Variants in CDH18 observed in about 807,000 individuals in gnomAD.
The protein encoded by CDH18 is cadherin 18.
In CDH18, 31 loss-of-function variants were observed where a neutral mutation model predicts 67.9. The ratio of observed to expected loss-of-function variants is 0.46; its 90% CI spans 0.34 to 0.62. The LOEUF (loss-of-function observed/expected upper bound fraction) is 0.62. Ranked by LOEUF, CDH18 falls within the 20% of genes least tolerant of loss-of-function variation. The probability of loss-of-function intolerance (pLI) is 0.01; values close to 1 mark genes in which losing one functional copy is unlikely to be tolerated. For synonymous variants in CDH18, 362 were observed against 347.2 expected, an observed-to-expected ratio of 1.04 and a Z score of -0.48; for missense variants, 890 against 975.5, an observed-to-expected ratio of 0.91 and a Z score of 1.17.
At chr5:20,158,456 G>C (rs1169511965) in intron 2 of CDH18, among the ~76,000 whole-genome samples, 3 of 151,930 alleles carry the variant, frequency 2.0e-5, no homozygotes, top group Non-Finnish European at 2.9e-5. Context: ...TTTCAGATTA[G>C]CCAATTAAGG....
chr5:20,354,477 C>A (rs1203513764), intron 1 of CDH18, among the ~76,000 whole-genome samples: 1 of 152,146 alleles, frequency 6.6e-6, no homozygotes, highest in East Asian at 1.9e-4. Context: ...TACAGTGGAG[C>A]AGTCTTCACT....
chr5:19,841,784 G>A (rs1016293965), intron 2 of CDH18, among the ~76,000 whole-genome samples: 1 of 152,122 alleles, frequency 6.6e-6, no homozygotes, highest in African/African-American at 2.4e-5. Context: ...TTACAGATAT[G>A]TAAAATGAGT....
At chr5:19,973,399 T>C (rs768011567) in intron 2 of CDH18, among the ~76,000 whole-genome samples, 34 of 152,140 alleles carry the variant, frequency 2.2e-4, no homozygotes, top group Non-Finnish European at 2.9e-5. Context: ...TGTCCTATTA[T>C]CTATGTACGA....
chr5:20,117,314 A>T (rs1280490452), intron 2 of CDH18, among the ~76,000 whole-genome samples: 3 of 152,162 alleles, frequency 2.0e-5, no homozygotes, highest in African/African-American at 7.2e-5. Context: ...TTTTGTATTG[A>T]TAAACAAAGT....
intron 6 of CDH18, among the ~76,000 whole-genome samples, chr5:19,608,530 A>G (rs529650338): frequency 1.3e-5 from 2 of 151,872 alleles, no homozygotes; most frequent in South Asian, 4.1e-4. Context: ...ATCAATGCCA[A>G]TATCTTCAGC....
intron 11 of CDH18, among the ~76,000 whole-genome samples, chr5:19,489,781 C>T (rs1437714014): frequency 6.6e-6 from 1 of 152,140 alleles, no homozygotes; most frequent in African/African-American, 2.4e-5. Context: ...CACAAATACA[C>T]ATGAAACAAC....
intron 5 of CDH18, among the ~76,000 whole-genome samples, chr5:19,688,430 C>T (rs1761414602): frequency 6.6e-6 from 1 of 152,138 alleles, no homozygotes; most frequent in African/African-American, 2.4e-5. Context: ...GACATCATTG[C>T]TGTTCTTTAC....
chr5:20,264,341 A>G (rs904370134), intron 1 of CDH18, among the ~76,000 whole-genome samples: 2 of 152,166 alleles, frequency 1.3e-5, no homozygotes, highest in African/African-American at 2.4e-5. Flanking sequence ...CCCAAGGCAT[A>G]AAAATGTAAA....
chr5:19,869,579 C>A (rs1448135154), intron 2 of CDH18, among the ~76,000 whole-genome samples: 1 of 151,992 alleles, frequency 6.6e-6, no homozygotes, highest in African/African-American at 2.4e-5. Flanking sequence ...TAATTCTACA[C>A]AAAAATGCCT....
At chr5:20,170,298 T>G (rs1411810669) in intron 2 of CDH18, among the ~76,000 whole-genome samples, 1 of 152,040 alleles carries the variant, frequency 6.6e-6, no homozygotes, top group Non-Finnish European at 1.5e-5. Flanking sequence ...TGCTCCTGTG[T>G]TACGTTCCTG....
At chr5:20,272,880 T>A (rs1745540294) in intron 1 of CDH18, among the ~76,000 whole-genome samples, 1 of 152,034 alleles carries the variant, frequency 6.6e-6, no homozygotes, top group Admixed American at 6.6e-5. Context: ...GGGTAAACAC[T>A]TTTCTCCATA....
intron 1 of CDH18, among the ~76,000 whole-genome samples, chr5:20,522,066 G>A (rs1198034320): frequency 6.6e-6 from 1 of 152,082 alleles, no homozygotes. Flanking sequence ...TATCACTAGT[G>A]TTCTTACAAA....
At chr5:19,538,354 G>T (rs1003684845) in intron 9 of CDH18, among the ~76,000 whole-genome samples, 3 of 152,064 alleles carry the variant, frequency 2.0e-5, no homozygotes, top group Admixed American at 1.3e-4. Context: ...CTGTATTATA[G>T]ATTGCACAGA....
chr5:20,175,421 T>C (rs779232693), intron 2 of CDH18, among the ~76,000 whole-genome samples: 26 of 152,148 alleles, frequency 1.7e-4, no homozygotes, highest in Non-Finnish European at 2.9e-4. Context: ...CCTTTCCTTC[T>C]ATTTAAAATT....
At chr5:20,545,201 C>T (rs62354276) in intron 1 of CDH18, among the ~76,000 whole-genome samples, 26,875 of 152,146 alleles carry the variant, frequency 0.18, 2,896 homozygotes, top group East Asian at 0.39. Context: ...AGGGTACAGC[C>T]TCTGCTGCTG....
At chr5:19,857,884 A>C (rs1385150709) in intron 2 of CDH18, among the ~76,000 whole-genome samples, 1 of 152,200 alleles carries the variant, frequency 6.6e-6, no homozygotes, top group African/African-American at 2.4e-5. Flanking sequence ...GTCAGAAATT[A>C]TTTTTAAAAT....
intron 8 of CDH18, among the ~76,000 whole-genome samples, chr5:19,563,564 G>A (rs957829483): frequency 2.6e-5 from 4 of 152,080 alleles, no homozygotes; most frequent in African/African-American, 9.7e-5. Context: ...TAATTTGTGA[G>A]CAAATGGTGT....
intron 1 of CDH18, among the ~76,000 whole-genome samples, chr5:20,348,051 C>G (rs1229962972): frequency 2.0e-5 from 3 of 152,132 alleles, no homozygotes; most frequent in Non-Finnish European, 4.4e-5. Context: ...AAGCAGACTG[C>G]AACACTCTCA....
At chr5:20,103,836 A>C (rs1326551084) in intron 2 of CDH18, among the ~76,000 whole-genome samples, 1 of 151,234 alleles carries the variant, frequency 6.6e-6, no homozygotes, top group South Asian at 2.1e-4. Flanking sequence ...GAGAAGAAGA[A>C]ATGTCAACAT....
Sources: allele counts gnomAD v4.1 joint callset (sites outside exome capture counted in the v4.1 genomes callset), GRCh38; gene constraint gnomAD v4.1.1; transcripts MANE v1.5; gene names NCBI Gene and HGNC (gene_info 2026-07-23, HGNC 2026-07-21).